GABRG3: variants seen among roughly 807,000 people sequenced by gnomAD.
The protein encoded by GABRG3 is gamma-aminobutyric acid receptor subunit gamma-3.
Under a neutral mutation model 48.8 loss-of-function variants are expected in GABRG3, and 25 were observed. The observed-to-expected ratio is 0.51, with a 90% CI of 0.37 to 0.72. GABRG3 has a LOEUF of 0.72. Among genes scored for constraint, GABRG3 ranks in the 30% least tolerant of loss-of-function variants. The pLI is 0.00. For synonymous variants in GABRG3, 227 were observed against 217.6 expected, an observed-to-expected ratio of 1.04 and a Z score of -0.38; for missense variants, 394 against 577.9, an observed-to-expected ratio of 0.68 and a Z score of 3.26.
At chr15:27,374,293 T>TGGC (rs1895518780) in intron 5 of GABRG3, among the ~76,000 whole-genome samples, 1 of 151,868 alleles carries the variant, frequency 6.6e-6, no homozygotes, top group Non-Finnish European at 1.5e-5. Context: ...CCACCATGCC[T>TGGC]GGCTAATTTT....
intron 3 of GABRG3, among the ~76,000 whole-genome samples, chr15:27,144,478 T>C (rs769971610): frequency 3.3e-5 from 5 of 151,360 alleles, no homozygotes; most frequent in Non-Finnish European, 5.9e-5. Flanking sequence ...CCAGTAGAAA[T>C]AGTCTTTTCT....
intron 3 of GABRG3, among the ~76,000 whole-genome samples, chr15:27,088,106 TGTG>T (rs1439256737): frequency 1.3e-5 from 1 of 79,564 alleles, no homozygotes; most frequent in Non-Finnish European, 3.1e-5. Context: ...GTGCCGTGGT[TGTG>T]TGTGTGTGTG....
intron 3 of GABRG3, among the ~76,000 whole-genome samples, chr15:27,204,200 A>G (rs1323992884): frequency 1.3e-5 from 2 of 152,134 alleles, no homozygotes; most frequent in African/African-American, 2.4e-5. Context: ...TTAAGTCTTT[A>G]ATCCATCTTG....
At chr15:27,242,859 C>T (rs150060524) in intron 3 of GABRG3, among the ~76,000 whole-genome samples, 31 of 152,222 alleles carry the variant, frequency 2.0e-4, no homozygotes, top group African/African-American at 5.8e-4. Context: ...CTTCATGTCT[C>T]TCAGAGAGAT....
intron 9 of GABRG3, among the ~76,000 whole-genome samples, chr15:27,529,425 T>C (rs537618429): frequency 2.7e-5 from 4 of 145,566 alleles, no homozygotes; most frequent in Admixed American, 2.2e-4. Flanking sequence ...AATTACAATT[T>C]ACTAATTAAA....
chr15:27,339,885 G>GC (rs1280247051), intron 5 of GABRG3, among the ~76,000 whole-genome samples: 2 of 152,188 alleles, frequency 1.3e-5, no homozygotes, highest in Non-Finnish European at 2.9e-5. Context: ...AGGTGACCCT[G>GC]CGTGACTTGT....
At chr15:27,021,366 T>C (rs911691818) in intron 2 of GABRG3, among the ~76,000 whole-genome samples, 2 of 152,126 alleles carry the variant, frequency 1.3e-5, no homozygotes, top group African/African-American at 4.8e-5. Flanking sequence ...TGAGGGTAAA[T>C]CACACAGACC....
chr15:27,313,262 GTATA>G (rs1169926074), intron 3 of GABRG3, among the ~76,000 whole-genome samples: 1,285 of 34,050 alleles, frequency 0.038, 28 homozygotes, highest in South Asian at 0.053. Context: ...GTGTGTGTGT[GTATA>G]TATATATATA....
intron 5 of GABRG3, among the ~76,000 whole-genome samples, chr15:27,428,848 A>G (rs933576995): frequency 6.6e-6 from 1 of 152,210 alleles, no homozygotes; most frequent in Non-Finnish European, 1.5e-5. Flanking sequence ...AATTAGGTCA[A>G]TTTAAATTTG....
At chr15:27,487,005 G>A (rs948929164) in intron 6 of GABRG3, among the ~76,000 whole-genome samples, 1 of 152,072 alleles carries the variant, frequency 6.6e-6, no homozygotes, top group Non-Finnish European at 1.5e-5. Flanking sequence ...GTTTCTTCTT[G>A]GCTTTTTGTC....
At chr15:27,082,577 G>A (rs767107194) in intron 3 of GABRG3, among the ~76,000 whole-genome samples, 6 of 152,176 alleles carry the variant, frequency 3.9e-5, no homozygotes, top group Admixed American at 6.5e-5. Flanking sequence ...TTGGGTCTGC[G>A]TCCCACCCCC....
At chr15:27,353,502 G>T (rs979398809) in intron 5 of GABRG3, among the ~76,000 whole-genome samples, 2 of 151,626 alleles carry the variant, frequency 1.3e-5, no homozygotes, top group African/African-American at 4.9e-5. Context: ...GGAGTGCAAT[G>T]GCACGATCTC....
intron 2 of GABRG3, among the ~76,000 whole-genome samples, chr15:27,006,607 G>A (rs1895589853): frequency 6.6e-6 from 1 of 152,112 alleles, no homozygotes. Flanking sequence ...CATCACCCAG[G>A]TAATAAGCAT....
chr15:27,211,019 A>G (rs182631709), intron 3 of GABRG3, among the ~76,000 whole-genome samples: 1 of 152,338 alleles, frequency 6.6e-6, no homozygotes, highest in East Asian at 1.9e-4. Flanking sequence ...CAGAATTATC[A>G]GAGCATGTCT....
chr15:27,431,934 C>A (rs1373547344), intron 5 of GABRG3, among the ~76,000 whole-genome samples: 1 of 152,162 alleles, frequency 6.6e-6, no homozygotes, highest in Non-Finnish European at 1.5e-5. Flanking sequence ...TTAATTTCCA[C>A]ATTTTTGTGT....
intron 3 of GABRG3, among the ~76,000 whole-genome samples, chr15:27,027,919 C>T (rs1038839526): frequency 2.0e-5 from 3 of 152,182 alleles, no homozygotes; most frequent in Admixed American, 1.3e-4. Context: ...GTTCCACAAC[C>T]GTTTATTCAA....
At chr15:27,020,326 T>C (rs1895865388) in intron 2 of GABRG3, among the ~76,000 whole-genome samples, 1 of 152,186 alleles carries the variant, frequency 6.6e-6, no homozygotes, top group East Asian at 1.9e-4. Flanking sequence ...TGTAAACACC[T>C]CGACCTCTTC....
chr15:27,197,817 TCTTC>T (rs1438168973), intron 3 of GABRG3, among the ~76,000 whole-genome samples: 1 of 152,170 alleles, frequency 6.6e-6, no homozygotes, highest in Admixed American at 6.5e-5. Context: ...GGAGTAGACT[TCTTC>T]CTGGTTTAGT....
chr15:27,080,888 A>G (rs902138061), intron 3 of GABRG3, among the ~76,000 whole-genome samples: 1 of 152,158 alleles, frequency 6.6e-6, no homozygotes, highest in African/African-American at 2.4e-5. Flanking sequence ...GTTCCCAGTG[A>G]CTTGCTTGGA....
Sources: allele counts gnomAD v4.1 joint callset (sites outside exome capture counted in the v4.1 genomes callset), GRCh38; gene constraint gnomAD v4.1.1; transcripts MANE v1.5; gene names NCBI Gene and HGNC (gene_info 2026-07-23, HGNC 2026-07-21).